The following PDE5A variants were observed in gnomAD, a reference collection of about 807,000 sequenced individuals.
PDE5A encodes the protein cGMP-specific 3',5'-cyclic phosphodiesterase.
PDE5A carries 67 observed loss-of-function variants against 110.2 expected under a neutral mutation model. The observed-to-expected ratio is 0.61, with a 90% CI of 0.50 to 0.75. The LOEUF is 0.75. PDE5A is among the 30% of genes least tolerant of loss of function. PDE5A has a pLI of 0.00. For missense variants in PDE5A, 862 were observed against 1,045.1 expected, an observed-to-expected ratio of 0.82 and a Z score of 2.42; for synonymous variants, 328 against 351.2, an observed-to-expected ratio of 0.93 and a Z score of 0.74.
intron 3 of PDE5A, among the ~76,000 whole-genome samples, chr4:119,590,362 T>C (rs551547053): frequency 3.9e-5 from 6 of 152,308 alleles, no homozygotes; most frequent in African/African-American, 7.2e-5. Context: ...TACTCCCTCA[T>C]AGACACTCTG....
At chr4:119,598,454 T>C (rs1353234104) in intron 2 of PDE5A, among the ~76,000 whole-genome samples, 1 of 152,084 alleles carries the variant, frequency 6.6e-6, no homozygotes, top group African/African-American at 2.4e-5. Context: ...CCCCTCTAGG[T>C]CCAGTAAACA....
At chr4:119,519,460 TG>T (rs67000273) in intron 13 of PDE5A, 34,279 of 231,442 alleles carry the variant, frequency 0.15, 2,736 homozygotes, top group Middle Eastern at 0.2. Context: ...TTTAAATAAT[TG>T]TTTTTTTCCT....
chr4:119,538,780 AT>A, intron 11 of PDE5A, 179 bp downstream of exon 11: 1 of 618,732 alleles, frequency 1.6e-6, no homozygotes, highest in Non-Finnish European at 2.9e-6. Flanking sequence ...CATACACTAT[AT>A]TACACAGTCA....
intron 3 of PDE5A, among the ~76,000 whole-genome samples, chr4:119,578,096 A>C (rs1728434810): frequency 1.3e-5 from 2 of 152,174 alleles, no homozygotes; most frequent in African/African-American, 4.8e-5. Flanking sequence ...AATTGCTTCA[A>C]AGAGAATAAA....
Position 119,525,686 on chromosome 4 carries a change from C to A in PDE5A, c.1642G>T (p.Val548Leu). 1 of 1,607,712 alleles carries A rather than the reference C, an allele frequency of 6.2e-7. No homozygotes were observed. Among genetic ancestry groups the A allele is most frequent in the Non-Finnish European group, 8.5e-7 (1 of 1,177,938 alleles). Residue 548 changes from valine (V) to leucine (L), a missense_variant, in exon 12 of 21, where the codon GTG becomes TTG. Coordinates refer to ENST00000354960, the MANE Select transcript of PDE5A (RefSeq NM_001083.4). The surrounding 1 kb of genome is among the most constrained non-coding windows in gnomAD (Gnocchi z 4.3). ...RELQSLAAAV[V>L]PSAQTLKITD... ...ATTTTAAGGGTCTGGGCAGATGGCA[C>A]CACAGCAGCCTTGGGTAAGGAAAGA...
chr4:119,624,904 G>A (rs1730285258), intron 1 of PDE5A, among the ~76,000 whole-genome samples: 1 of 151,936 alleles, frequency 6.6e-6, no homozygotes, highest in Non-Finnish European at 1.5e-5. Context: ...GTGATTTATT[G>A]GCCTCAAATT....
At chr4:119,606,072 C>T (rs1191489315) in intron 2 of PDE5A, among the ~76,000 whole-genome samples, 3 of 152,160 alleles carry the variant, frequency 2.0e-5, no homozygotes, top group Non-Finnish European at 4.4e-5. Context: ...TACAGTGTAA[C>T]CTTTAAGCCC....
chr4:119,507,724 C>T lies in PDE5A; in HGVS notation c.2089-20G>A, dbSNP rs369589224. The T allele has an allele frequency of 1.4e-6, 2 of 1,480,872 alleles. No individual in the cohort carries two copies. Among genetic ancestry groups the T allele is most frequent in the Non-Finnish European group, 1.9e-6 (2 of 1,080,438 alleles). 91.7% of individuals were successfully genotyped at this position (1,480,872 alleles called of 1,614,324 possible). ...ATTGCCCTTTATAAAAAAAGAAAAC[C>T]AGTATTAACATCCTGGAGAAGCTGC... On this transcript the variant is annotated intron_variant, in intron 15 of 20. Transcript: ENST00000354960.
In PDE5A at chr4:119,594,375, T is replaced by C. The variant is rs528217211; in HGVS notation, c.831+2148A>G. On this transcript the variant is annotated intron_variant, in intron 3 of 20. Coordinates refer to ENST00000354960, the MANE Select transcript of PDE5A (RefSeq NM_001083.4). ...ATCCCTTTGCCGGTACAAAGCTGTT[T>C]TGGGGGCCACGATTTTAAAATATCC... is the stretch of plus-strand genomic sequence containing the variant. Among the ~76,000 whole-genome samples, 156 of 152,290 alleles carry C rather than the reference T, an allele frequency of 1.0e-3. 1 individual carries two copies. Among genetic ancestry groups the C allele is most frequent in the African/African-American group, 3.5e-3 (144 of 41,564 alleles).
At chr4:119,609,250 G>T (rs1729655097) in intron 1 of PDE5A, among the ~76,000 whole-genome samples, 1 of 152,106 alleles carries the variant, frequency 6.6e-6, no homozygotes, top group Non-Finnish European at 1.5e-5. Flanking sequence ...ATGTGACAAA[G>T]GAAATACAAG....
intron 17 of PDE5A, among the ~76,000 whole-genome samples, chr4:119,505,570 G>A (rs1725522595): frequency 6.6e-6 from 1 of 151,754 alleles, no homozygotes; most frequent in Non-Finnish European, 1.5e-5. Flanking sequence ...CAATGAATTA[G>A]GAAAATGAAT....
intron 7 of PDE5A, among the ~76,000 whole-genome samples, chr4:119,559,546 A>G (rs1727669802): frequency 6.6e-6 from 1 of 152,146 alleles, no homozygotes; most frequent in Admixed American, 6.5e-5. Flanking sequence ...ATATTCAAAT[A>G]TTTACATATG....
rs74649740 is a variant in PDE5A, at chr4:119,534,815, C to T, written c.1632+4145G>A. On this transcript the variant is annotated intron_variant, in intron 11 of 20. Transcript: ENST00000354960. ...GAGATTTGGGTCAGGTACCTGGCTC[C>T]GCCCCTTACTGCTGTCACCTGCAGC... 8.4e-3 allele frequency among the ~76,000 whole-genome samples: 1,283 copies of T among 152,208 alleles called. 12 individuals are homozygous for T. Among genetic ancestry groups the T allele is most frequent in the African/African-American group, 0.029 (1,216 of 41,524 alleles).
chr4:119,607,030 C>T lies in PDE5A; in HGVS notation c.420G>A (p.Arg140=), dbSNP rs750837901. ...ACTGGTCCCCTTCATCATGATCAAA[C>T]CTTGGAGGGGTTAGAGGCATCTGTT... ...KKEQMPLTPP[R]FDHDEGDQCS... Residue 140 remains arginine, a synonymous_variant, in exon 2 of 21, where the codon AGG becomes AGA. Coordinates refer to ENST00000354960, the MANE Select transcript of PDE5A (RefSeq NM_001083.4). The T allele has an allele frequency of 5.0e-6, 8 of 1,614,054 alleles. No homozygotes were observed. Among genetic ancestry groups the T allele is most frequent in the African/African-American group, 2.7e-5 (2 of 74,928 alleles).
At chr4:119,527,825 C>CTATAAA (rs1250611617) in intron 11 of PDE5A, among the ~76,000 whole-genome samples, 1 of 151,184 alleles carries the variant, frequency 6.6e-6, no homozygotes, top group Non-Finnish European at 1.5e-5. Flanking sequence ...CAATAAGGTA[C>CTATAAA]TATAAATATA....
chr4:119,610,471 C>T (rs981760730), intron 1 of PDE5A, among the ~76,000 whole-genome samples: 3 of 152,150 alleles, frequency 2.0e-5, no homozygotes, highest in Non-Finnish European at 2.9e-5. Context: ...TTAGCCCCAA[C>T]TTATTTCTTA....
intron 6 of PDE5A, among the ~76,000 whole-genome samples, 187 bp from the exon 7 acceptor site, chr4:119,560,550 TAAAATA>T (rs1727711847): frequency 6.6e-6 from 1 of 152,216 alleles, no homozygotes; most frequent in Non-Finnish European, 1.5e-5. Context: ...CCCATTTAAT[TAAAATA>T]AAAGTTTCGT....
At chr4:119,526,007 C>A (rs1367917183) in intron 11 of PDE5A, among the ~76,000 whole-genome samples, 1 of 152,102 alleles carries the variant, frequency 6.6e-6, no homozygotes, top group Non-Finnish European at 1.5e-5. Context: ...TATACCTCCC[C>A]AGTCTTATTC....
At chr4:119,615,219 A>G (rs1276688000) in intron 1 of PDE5A, among the ~76,000 whole-genome samples, 1 of 152,162 alleles carries the variant, frequency 6.6e-6, no homozygotes, top group East Asian at 1.9e-4. Context: ...TTGCCCTTCA[A>G]CTTCCTCATT....
Sources: gnomAD v4.1 joint callset for allele counts (sites outside exome capture counted in the v4.1 genomes callset) on GRCh38, gnomAD v4.1.1 for gene constraint, Gnocchi (gnomAD v3.1) non-coding constraint, MANE v1.5 for transcripts, NCBI Gene and HGNC (gene_info 2026-07-23, HGNC 2026-07-21) for gene names.